CHDH: variants seen among roughly 807,000 people sequenced by gnomAD.
CHDH encodes the protein choline dehydrogenase, also known as choline dehydrogenase, mitochondrial.
In CHDH, 43 loss-of-function variants were observed where a neutral mutation model predicts 56.9. The observed-to-expected ratio is 0.76, with a 90% CI of 0.59 to 0.97. CHDH has a LOEUF of 0.97. Ranked by LOEUF, CHDH falls within the 50% of genes least tolerant of loss-of-function variation. The pLI is 0.00. For missense variants in CHDH, 816 were observed against 821.1 expected, an observed-to-expected ratio of 0.99 and a Z score of 0.08; for synonymous variants, 364 against 348.5, an observed-to-expected ratio of 1.04 and a Z score of -0.50.
rs1191231829 is a variant in CHDH, at chr3:53,822,604, C to T, written c.742G>A (p.Ala248Thr). Residue 248 changes from alanine (A) to threonine (T), a missense_variant, in exon 4 of 9, where the codon GCA becomes ACA. Ala to Thr is a moderately conservative substitution (Grantham distance 58). Coordinates refer to ENST00000315251, the MANE Select transcript of CHDH (RefSeq NM_018397.5). ...GCCTTGAGGTTGGTGCGGCTCAGTG[C>T]TGGGTGCAGGTAGGCACAGGCCGCG... ...WSAACAYLHPALSRTNLKAEA... is the reference protein window; with the variant it reads ...WSAACAYLHPTLSRTNLKAEA... 1 of 1,612,170 alleles carries T rather than the reference C, an allele frequency of 6.2e-7. No individual in the cohort carries two copies. Among genetic ancestry groups the T allele is most frequent in the Non-Finnish European group, 8.5e-7 (1 of 1,179,988 alleles).
intron 2 of CHDH, among the ~76,000 whole-genome samples, chr3:53,840,508 C>T (rs929637131): frequency 3.7e-5 from 5 of 134,328 alleles, no homozygotes; most frequent in Non-Finnish European, 7.9e-5. Flanking sequence ...GCCTGGATGA[C>T]AGAGAAAGAC....
chr3:53,822,631 TCCA>T lies in CHDH; in HGVS notation c.712_714del (p.Trp238del). ...GGGTGCAGGTAGGCACAGGCCGCGCTCCACCGTTTGCCTGCAGGATGGAGTGAG... is the reference window on the plus strand; with the variant it reads ...GGGTGCAGGTAGGCACAGGCCGCGCTCCGTTTGCCTGCAGGATGGAGTGAG... On this transcript the variant is annotated inframe_deletion, in exon 4 of 9. Coordinates refer to ENST00000315251, the MANE Select transcript of CHDH (RefSeq NM_018397.5). The T allele has an allele frequency of 6.2e-7, 1 of 1,608,432 alleles. No individual in the cohort carries two copies. The highest frequency in any genetic ancestry group is 8.5e-7 in the Non-Finnish European group (1 of 1,179,234).
intron 2 of CHDH, among the ~76,000 whole-genome samples, chr3:53,824,787 T>C (rs967960623): frequency 5.9e-5 from 9 of 151,574 alleles, no homozygotes; most frequent in Non-Finnish European, 1.0e-4. Context: ...TGCACAGAGG[T>C]AGAAAAGAAA....
chr3:53,819,601 G>C lies in CHDH; in HGVS notation c.1194C>G (p.Ile398Met), dbSNP rs374272735. Residue 398 changes from isoleucine to methionine, a missense_variant, in exon 7 of 9, where the codon ATC (isoleucine) becomes ATG (methionine). Transcript: ENST00000315251. The surrounding 1 kb of genome is among the most constrained non-coding windows in gnomAD (Gnocchi z 5.4). ...CTTGGGATGGCAGGAAATGGAACTG[G>C]ATGTCCGGGTGGGGGACCCCAGGCT... ...RSQPGVPHPD[I>M]QFHFLPSQVI... is the part of the protein sequence containing the mutation. 6.2e-7 allele frequency: 1 copy of C among 1,611,742 alleles called. No individual in the cohort carries two copies. Among genetic ancestry groups the C allele is most frequent in the South Asian group, 1.1e-5 (1 of 90,720 alleles).
chr3:53,845,100 C>T (rs1448117710), intron 1 of CHDH, among the ~76,000 whole-genome samples: 1 of 152,242 alleles, frequency 6.6e-6, no homozygotes, highest in Admixed American at 6.5e-5. Context: ...CAAAGCAACT[C>T]AGAGAGGTGG....
chr3:53,827,948 C>T (rs1279536113), intron 2 of CHDH, among the ~76,000 whole-genome samples: 4 of 151,962 alleles, frequency 2.6e-5, no homozygotes, highest in Admixed American at 6.6e-5. Flanking sequence ...GAAAGTGAAG[C>T]GCAAAATTGG....
chr3:53,812,424 A>ATAT lies in CHDH; in HGVS notation c.*5350_*5352dup, dbSNP rs1156694997. The ATAT allele has an allele frequency of 6.6e-6, 1 of 152,248 alleles. No individual in the cohort carries two copies. Among genetic ancestry groups the ATAT allele is most frequent in the East Asian group, 1.9e-4 (1 of 5,202 alleles). 9.4% of individuals were successfully genotyped at this position (152,248 alleles called of 1,614,324 possible). On this transcript the variant is annotated 3_prime_UTR_variant, in exon 9 of 9. Coordinates refer to ENST00000315251, the MANE Select transcript of CHDH (RefSeq NM_018397.5). ...TTGACACTACAGAAATTTTTCTAAA[A>ATAT]TATTTTGAGTCACTATAAACCTATC...
At chr3:53,843,186 A>T (rs11311706) in intron 1 of CHDH, among the ~76,000 whole-genome samples, 27 of 36,028 alleles carry the variant, frequency 7.5e-4, no homozygotes, top group South Asian at 1.7e-3. Flanking sequence ...TTCCCCCCCC[A>T]CCTTTTTTTT....
At position 53,823,654 on chromosome 3, in the gene CHDH, C is replaced by A. The variant is rs1489413075; in HGVS notation, c.355G>T (p.Val119Leu). 5 of 1,545,346 alleles carry A rather than the reference C, an allele frequency of 3.2e-6. No homozygotes were observed. The South Asian group carries it at 6.0e-5, about 18-fold the overall frequency. ...ACGCGGCCGCGTGGCCAGTACAGCACGCGGCCGTCCAGGCCCCGCTGCACC... is the reference window on the plus strand; with the variant it reads ...ACGCGGCCGCGTGGCCAGTACAGCAAGCGGCCGTCCAGGCCCCGCTGCACC... ...TEVQRGLDGR[V>L]LYWPRGRVWG... The change falls in exon 3 of 9, where the codon GTG becomes TTG. Residue 119 changes from valine to leucine, a missense_variant. Coordinates refer to ENST00000315251, the MANE Select transcript of CHDH (RefSeq NM_018397.5).
intron 2 of CHDH, among the ~76,000 whole-genome samples, chr3:53,834,703 A>C (rs1365811327): frequency 6.6e-6 from 1 of 152,228 alleles, no homozygotes; most frequent in Non-Finnish European, 1.5e-5. Context: ...TAGAGTACTG[A>C]GGAAGCTTCC....
At chr3:53,821,163 A>C (rs2095625632) in intron 5 of CHDH, among the ~76,000 whole-genome samples, 1 of 152,276 alleles carries the variant, frequency 6.6e-6, no homozygotes, top group African/African-American at 2.4e-5. Flanking sequence ...GTTATCAAGG[A>C]GGGCAAGAGA....
intron 3 of CHDH, 122 bp from the exon 4 acceptor site, chr3:53,822,764 A>C: frequency 7.8e-7 from 1 of 1,278,918 alleles, no homozygotes; most frequent in Non-Finnish European, 1.1e-6. Flanking sequence ...CCCGCCTTCA[A>C]AGTAAAGCTG....
At position 53,819,392 on chromosome 3, in the gene CHDH, A is replaced by T; in HGVS notation, c.1263+140T>A. On this transcript the variant is annotated intron_variant, in intron 7 of 8. Transcript: ENST00000315251. This position sits in a 1 kb window ranked among gnomAD's most constrained non-coding sequence, Gnocchi z 5.4. ...GCAGACTGACACGCTGGGCAGCTGG[A>T]AGGCAGGGGACAGGCCTCTGTGTCC... 8.8e-7 allele frequency: 1 copy of T among 1,136,192 alleles called. No individual in the cohort carries two copies. The highest frequency in any genetic ancestry group is 1.5e-5 in the South Asian group (1 of 65,450). The allele number at this position is 1,136,192 out of a possible 1,614,324, so 70.4% of individuals were successfully genotyped here.
At position 53,817,984 on chromosome 3, in the gene CHDH, G is replaced by A. The variant is rs761184371; in HGVS notation, c.1578C>T (p.Ala526=). Residue 526 remains alanine, a synonymous_variant, in exon 9 of 9, where the codon GCC becomes GCT. Coordinates refer to ENST00000315251, the MANE Select transcript of CHDH (RefSeq NM_018397.5). ...GGACCCTTGTCTGCGGATCCACCAC[G>A]GCAGTGGGATCGGAGGGCTGGCCCA... ...CKMGQPSDPT[A]VVDPQTRVLG... 114 of 1,614,182 alleles carry A rather than the reference G, an allele frequency of 7.1e-5. No homozygotes were observed. The Middle Eastern group carries it at 1.2e-3, about 16-fold the overall frequency.
In CHDH at chr3:53,818,297, T is replaced by C. The variant is rs372533039; in HGVS notation, c.1367-102A>G. ...AGGCTCTGTAAGCTGTCTGAGGGGA[T>C]GGTGTTTGGGGACAAAGTTCAGGGC... On this transcript the variant is annotated intron_variant, in intron 8 of 8. Transcript: ENST00000315251. The C allele has an allele frequency of 3.1e-3, 3,437 of 1,110,314 alleles. 97 individuals are homozygous for C. The South Asian group carries it at 0.053, about 17-fold the overall frequency. The allele number at this position is 1,110,314 out of a possible 1,614,324, so 68.8% of individuals were successfully genotyped here. A position where few individuals can be genotyped will look rare whatever the true frequency, so the allele number is the denominator to read the frequency against.
intron 3 of CHDH, 41 bp from the exon 4 acceptor site, chr3:53,822,683 C>A: frequency 2.5e-6 from 4 of 1,584,226 alleles, no homozygotes; most frequent in Non-Finnish European, 3.4e-6. Context: ...GCTCCGCCCT[C>A]CCCTGGCACC....
intron 2 of CHDH, among the ~76,000 whole-genome samples, chr3:53,830,420 A>ATATATATATATATC (rs1559757578): frequency 6.6e-6 from 1 of 151,150 alleles, no homozygotes; most frequent in African/African-American, 2.4e-5. Flanking sequence ...ATATATATAT[A>ATATATATATATATC]TCTTCACATA....
At position 53,843,183 on chromosome 3, in the gene CHDH, CCCA is replaced by C. The variant is rs796542695; in HGVS notation, c.-130-2187_-130-2185del. Among the ~76,000 whole-genome samples the C allele has an allele frequency of 8.3e-3, 763 of 92,452 alleles. 10 individuals carry two copies. The highest frequency in any genetic ancestry group is 0.026 in the African/African-American group (732 of 28,320). 60.7% of individuals were successfully genotyped at this position (92,452 alleles called of 152,430 possible). On this transcript the variant is annotated intron_variant, in intron 1 of 8. Transcript: ENST00000315251. ...TCTTGGGTCCTAGGGAATTTCCCCC[CCCA>C]CCTTTTTTTTTTTTTTTTGGTTCTG...
At position 53,817,938 on chromosome 3, in the gene CHDH, C is replaced by T; in HGVS notation, c.1624G>A (p.Val542Ile). ...CTAGGCATGATGGAGGCATCGACGA[C>T]CCTGAGGTTTTCCACCCCGAGGACC... ...TRVLGVENLR[V>I]VDASIMPSMV... The change falls in exon 9 of 9, where the codon GTC becomes ATC. Residue 542 changes from valine (V) to isoleucine (I), a missense_variant. Val to Ile is a conservative substitution (Grantham distance 29). Transcript: ENST00000315251. The T allele has an allele frequency of 1.2e-6, 2 of 1,614,210 alleles. No homozygotes were observed. The highest frequency in any genetic ancestry group is 4.5e-5 in the East Asian group (2 of 44,872).
Sources: gnomAD v4.1 joint callset for allele counts (sites outside exome capture counted in the v4.1 genomes callset) on GRCh38, gnomAD v4.1.1 for gene constraint, Gnocchi (gnomAD v3.1) non-coding constraint, MANE v1.5 for transcripts, NCBI Gene and HGNC (gene_info 2026-07-23, HGNC 2026-07-21) for gene names.